MYO1C: variants seen among roughly 807,000 people sequenced by gnomAD.
MYO1C encodes the protein myosin IC.
In MYO1C, 104 loss-of-function variants were observed where a neutral mutation model predicts 150.8. The ratio of observed to expected loss-of-function variants is 0.69; its 90% CI spans 0.59 to 0.81. MYO1C has a LOEUF of 0.81. Among genes scored for constraint, MYO1C ranks in the 30% least tolerant of loss-of-function variants. The pLI is 0.00. For missense variants in MYO1C, 1,504 were observed against 1,435.0 expected (o/e 1.05, Z -0.78); for synonymous variants, 663 against 579.9 (o/e 1.14, Z -2.06).
At chr17:1,466,464 G>A (rs1327347818) in intron 31 of MYO1C, among the ~76,000 whole-genome samples, 3 of 152,016 alleles carry the variant, frequency 2.0e-5, no homozygotes, top group Non-Finnish European at 2.9e-5. Context: ...CCAAGTAGCT[G>A]GGATTACAGG....
intron 14 of MYO1C, among the ~76,000 whole-genome samples, chr17:1,476,831 T>C (rs576499086): frequency 6.6e-6 from 1 of 151,900 alleles, no homozygotes; most frequent in Non-Finnish European, 1.5e-5. Context: ...AGGCTACTAG[T>C]GTCTTGTTTT....
chr17:1,473,186 C>T (rs998629075), intron 17 of MYO1C, among the ~76,000 whole-genome samples: 6 of 152,074 alleles, frequency 3.9e-5, no homozygotes, highest in African/African-American at 1.2e-4. Flanking sequence ...GGTGACAGAG[C>T]GAGACTCCGT....
chr17:1,465,544 TG>T lies in MYO1C; in HGVS notation c.*181del. ...GCTGTGGCCCGGCCTGGCCCACTCC[TG>T]GGGTAGCTCCTGGCCCCTGCTGCTC... On this transcript the variant is annotated 3_prime_UTR_variant, in exon 32 of 32. Coordinates refer to ENST00000648651, the MANE Select transcript of MYO1C (RefSeq NM_001080779.2). 1 of 615,078 alleles carries T rather than the reference TG, an allele frequency of 1.6e-6. No individual in the cohort carries two copies. The highest frequency in any genetic ancestry group is 2.5e-6 in the Non-Finnish European group (1 of 403,402). The allele number at this position is 615,078 out of a possible 1,614,324, so 38.1% of individuals were successfully genotyped here.
chr17:1,484,968 C>T (rs1466044747), intron 1 of MYO1C: 2 of 522,752 alleles, frequency 3.8e-6, no homozygotes, highest in South Asian at 1.5e-5. Context: ...CCCAGAGGGC[C>T]TCCCACCCCA....
At chr17:1,492,099 C>G (rs2074742132) in intron 1 of MYO1C, 2 of 417,904 alleles carry the variant, frequency 4.8e-6, no homozygotes, top group Non-Finnish European at 9.0e-6. Flanking sequence ...CTGGAGCTTC[C>G]ATGCCCTGGT....
rs2074270770 is a variant in MYO1C at position 1,470,210 on chromosome 17, T to A, written c.2491A>T (p.Thr831Ser). ...RRQLPQNVLD[T>S]SWPTPPPALR... ...GCAGGTGGGGGCGTGGGCCACGAGG[T>A]GTCCAGGACATTCTGGGGCAGCTGC... is the stretch of plus-strand genomic sequence containing the variant. The change falls in exon 24 of 32, where the codon ACC (threonine) becomes TCC (serine). Residue 831 changes from threonine (T) to serine (S), a missense_variant. Coordinates refer to ENST00000648651, the MANE Select transcript of MYO1C (RefSeq NM_001080779.2). The A allele has an allele frequency of 6.2e-7, 1 of 1,611,098 alleles. No individual in the cohort carries two copies. The highest frequency in any genetic ancestry group is 8.5e-7 in the Non-Finnish European group (1 of 1,179,434).
chr17:1,484,255 C>G lies in MYO1C; in HGVS notation c.124G>C (p.Ala42Pro), dbSNP rs1256892376. The G allele has an allele frequency of 6.2e-7, 1 of 1,612,382 alleles. No individual in the cohort carries two copies. Among genetic ancestry groups the G allele is most frequent in the South Asian group, 1.1e-5 (1 of 91,082 alleles). The part of the protein sequence containing the change: ...VRVTMESALT[A>P]RDRVGVQDFV... ...TCCTGCACCCCCACCCGGTCACGGG[C>G]GGTGAGCGCACTCTCCATGGTCACC... Residue 42 changes from alanine (A) to proline (P), a missense_variant, in exon 2 of 32, where the codon GCC becomes CCC. Coordinates refer to ENST00000648651, the MANE Select transcript of MYO1C (RefSeq NM_001080779.2).
chr17:1,465,412 G>A lies in MYO1C; in HGVS notation c.*314C>T. On this transcript the variant is annotated 3_prime_UTR_variant, in exon 32 of 32. Transcript: ENST00000648651. ...TTTTTAAAAAATAGTTTCCTATAAA[G>A]CATCAAAAAAACCTCAGAGAAAACC... The A allele has an allele frequency of 3.3e-6, 1 of 300,530 alleles. No individual in the cohort carries two copies. Among genetic ancestry groups the A allele is most frequent in the Non-Finnish European group, 6.1e-6 (1 of 163,750 alleles). 18.6% of individuals were successfully genotyped at this position (300,530 alleles called of 1,614,324 possible).
rs2074432775 is a variant in MYO1C, at chr17:1,477,897, C to T, written c.1476G>A (p.Ser492=). 5.0e-6 allele frequency: 8 copies of T among 1,614,054 alleles called. No homozygotes were observed. The highest frequency in any genetic ancestry group is 1.7e-4 in the Middle Eastern group (1 of 6,040). The change falls in exon 13 of 32, where the codon TCG becomes TCA. Residue 492 remains serine, a synonymous_variant. Coordinates refer to ENST00000648651, the MANE Select transcript of MYO1C (RefSeq NM_001080779.2). ...LVEEKFKGII[S]ILDEECLRPG... is the part of the protein sequence containing the mutation. ...GGAGGCGCAGAGGACTCACCAAAAT[C>T]GAGATGATGCCCTTAAACTTCTCCT...
chr17:1,468,720 C>A (rs572090136), intron 25 of MYO1C: 3 of 586,340 alleles, frequency 5.1e-6, no homozygotes, highest in African/African-American at 1.9e-5. Flanking sequence ...GAAGGCACTG[C>A]GGGGTTTTGA....
Position 1,479,820 on chromosome 17 carries a change from G to T in MYO1C, c.907-115C>A, listed in dbSNP as rs1479359780. ...GTGAAGTGTCGGAGAGAAGGGGCTG[G>T]AAGTGGGAATGGGTGTTAAAGGTGG... On this transcript the variant is annotated intron_variant, in intron 7 of 31. Coordinates refer to ENST00000648651, the MANE Select transcript of MYO1C (RefSeq NM_001080779.2). This position sits in a 1 kb window ranked among gnomAD's most constrained non-coding sequence, Gnocchi z 4.2. 9.6e-6 allele frequency: 7 copies of T among 729,272 alleles called. No homozygotes were observed. Among genetic ancestry groups the T allele is most frequent in the Admixed American group, 2.2e-5 (1 of 45,418 alleles). 45.2% of individuals were successfully genotyped at this position (729,272 alleles called of 1,614,324 possible). A position where few individuals can be genotyped will look rare whatever the true frequency, so the allele number is the denominator to read the frequency against.
rs2074229645 is a variant in MYO1C, at chr17:1,468,509, G to C, written c.2611-13C>G. ...CCTTCTGCTGCAGCTGAGGAGACAA[G>C]GGGGGTGAGGAGAGTGTCATGGTGG... On this transcript the variant is annotated splice_polypyrimidine_tract_variant and intron_variant, in intron 25 of 31. Transcript: ENST00000648651. The C allele has an allele frequency of 6.2e-7, 1 of 1,607,140 alleles. No homozygotes were observed. Among genetic ancestry groups the C allele is most frequent in the African/African-American group, 1.3e-5 (1 of 74,618 alleles).
chr17:1,486,994 A>G (rs771068150), intron 1 of MYO1C: 23 of 152,350 alleles, frequency 1.5e-4, no homozygotes, highest in Admixed American at 7.9e-4. Context: ...GGACGTCTAG[A>G]GTCTGCAAAA....
chr17:1,470,398 C>G (rs2074276324), intron 23 of MYO1C, 37 bp downstream of exon 23: 4 of 1,548,946 alleles, frequency 2.6e-6, no homozygotes, highest in Non-Finnish European at 3.5e-6. Context: ...CCCCCACGCC[C>G]TGCTCTGCAG....
At chr17:1,472,083 G>C (rs753234005) in intron 18 of MYO1C, 40 bp downstream of exon 18, 1 of 1,613,046 alleles carries the variant, frequency 6.2e-7, no homozygotes, top group Non-Finnish European at 8.5e-7. Flanking sequence ...TCTCCTGCAG[G>C]GGAGGCCCGG....
In MYO1C at chr17:1,468,459, C is replaced by G; in HGVS notation, c.2648G>C (p.Gly883Ala). 6.2e-7 allele frequency: 1 copy of G among 1,613,966 alleles called. No homozygotes were observed. The highest frequency in any genetic ancestry group is 1.1e-5 in the South Asian group (1 of 91,072). Residue 883 changes from glycine to alanine, a missense_variant, in exon 26 of 32, where the codon GGC becomes GCC. Physicochemically the swap from Gly to Ala is moderately conservative, Grantham distance 60. Coordinates refer to ENST00000648651, the MANE Select transcript of MYO1C (RefSeq NM_001080779.2). Reference protein sequence around the residue: ...QKAVASEIFKGKKDNYPQSVP... With the variant: ...QKAVASEIFKAKKDNYPQSVP... ...ACTCTGAGGGTAATTATCCTTCTTG[C>G]CCTTGAAGATCTCACTAGCCACGGC...
intron 14 of MYO1C, chr17:1,477,200 C>A: frequency 2.6e-5 from 6 of 226,612 alleles, no homozygotes; most frequent in South Asian, 1.7e-4. Context: ...TTTTTTGAGA[C>A]GGAGTCTCGC....
At chr17:1,470,908 C>A in intron 21 of MYO1C, 163 bp downstream of exon 21, 1 of 948,952 alleles carries the variant, frequency 1.1e-6, no homozygotes, top group Admixed American at 2.0e-5. Context: ...GGAGGGGCTC[C>A]AAGTCGGCCA....
chr17:1,469,539 T>C lies in MYO1C; in HGVS notation c.2602A>G (p.Lys868Glu). 1 of 1,611,724 alleles carries C rather than the reference T, an allele frequency of 6.2e-7. No homozygotes were observed. The change falls in exon 25 of 32, where the codon AAG (lysine) becomes GAG (glutamate). Residue 868 changes from lysine to glutamate, a missense_variant. Physicochemically the swap from Lys to Glu is moderately conservative, Grantham distance 56. Transcript: ENST00000648651. The part of the protein sequence containing the change: ...KYCRSISPEW[K>E]QQLQQKAVAS... ...AGCCCCGCTCTCCGTACCTGCTGCT[T>C]CCACTCAGGGCTGATACTCCGGCAG...
Sources: gnomAD v4.1 joint callset for allele counts (sites outside exome capture counted in the v4.1 genomes callset) on GRCh38, gnomAD v4.1.1 for gene constraint, Gnocchi (gnomAD v3.1) non-coding constraint, MANE v1.5 for transcripts, NCBI Gene and HGNC (gene_info 2026-07-23, HGNC 2026-07-21) for gene names.